FBXL7: variants seen among roughly 807,000 people sequenced by gnomAD.
FBXL7 encodes F-box/LRR-repeat protein 7.
In FBXL7, 12 loss-of-function variants were observed where a neutral mutation model predicts 38.3. That is an observed-to-expected ratio of 0.31 (90% confidence interval 0.20 to 0.51). The LOEUF (loss-of-function observed/expected upper bound fraction) is 0.51. Ranked by LOEUF, FBXL7 falls within the 20% of genes least tolerant of loss-of-function variation. FBXL7 has a pLI of 0.98. For missense variants in FBXL7, 567 were observed against 676.4 expected (o/e 0.84, Z 1.79); for synonymous variants, 297 against 300.9 (o/e 0.99, Z 0.13).
intron 2 of FBXL7, among the ~76,000 whole-genome samples, chr5:15,752,063 C>T (rs1337996507): frequency 2.0e-5 from 3 of 152,156 alleles, no homozygotes; most frequent in African/African-American, 7.2e-5. Context: ...TCATGTCGAT[C>T]TTCAGAATTT....
At chr5:15,893,562 G>A (rs1039217695) in intron 2 of FBXL7, among the ~76,000 whole-genome samples, 3 of 151,916 alleles carry the variant, frequency 2.0e-5, no homozygotes, top group African/African-American at 7.3e-5. Context: ...TTAACTTACT[G>A]CATAAAAGCA....
chr5:15,917,638 AAGGGAGGG>A (rs200251388), intron 2 of FBXL7, among the ~76,000 whole-genome samples: 2 of 77,940 alleles, frequency 2.6e-5, no homozygotes, highest in Non-Finnish European at 5.4e-5. Flanking sequence ...AAAGTAAAGG[AAGGGAGGG>A]AAGGAAGGAA....
At chr5:15,553,205 G>A (rs990077964) in intron 1 of FBXL7, among the ~76,000 whole-genome samples, 7 of 151,982 alleles carry the variant, frequency 4.6e-5, no homozygotes, top group African/African-American at 1.7e-4. Context: ...ATTGCCTATC[G>A]TGGTTTCCCT....
At chr5:15,838,555 G>T (rs1738652549) in intron 2 of FBXL7, among the ~76,000 whole-genome samples, 1 of 152,208 alleles carries the variant, frequency 6.6e-6, no homozygotes, top group Non-Finnish European at 1.5e-5. Context: ...ATTTAGATAA[G>T]CACACCCTAG....
chr5:15,849,513 A>G (rs1025380430), intron 2 of FBXL7, among the ~76,000 whole-genome samples: 1 of 152,168 alleles, frequency 6.6e-6, no homozygotes, highest in African/African-American at 2.4e-5. Context: ...AAGTCTCACA[A>G]GATCTGATGG....
intron 1 of FBXL7, among the ~76,000 whole-genome samples, chr5:15,572,389 A>G (rs78320622): frequency 6.2e-5 from 3 of 48,758 alleles, no homozygotes; most frequent in Non-Finnish European, 1.3e-4. Context: ...GTTTCTGCTA[A>G]AAAAAAAAAA....
At chr5:15,513,629 C>G (rs1736858990) in intron 1 of FBXL7, among the ~76,000 whole-genome samples, 1 of 152,316 alleles carries the variant, frequency 6.6e-6, no homozygotes, top group South Asian at 2.1e-4. Flanking sequence ...GGATTTTACT[C>G]TGCATGACAC....
chr5:15,619,571 A>G (rs1284535742), intron 2 of FBXL7, among the ~76,000 whole-genome samples: 2 of 152,140 alleles, frequency 1.3e-5, no homozygotes, highest in African/African-American at 4.8e-5. Flanking sequence ...CCAGTTGATT[A>G]TGGTTATTTT....
At chr5:15,858,036 ATGCCAGTT>A (rs1269323888) in intron 2 of FBXL7, among the ~76,000 whole-genome samples, 1 of 152,094 alleles carries the variant, frequency 6.6e-6, no homozygotes, top group African/African-American at 2.4e-5. Flanking sequence ...ATTCACCAGT[ATGCCAGTT>A]TGGATTTCTT....
intron 1 of FBXL7, among the ~76,000 whole-genome samples, chr5:15,547,000 G>A (rs1737918073): frequency 6.6e-6 from 1 of 152,176 alleles, no homozygotes; most frequent in Non-Finnish European, 1.5e-5. Context: ...AAGCCAGGTG[G>A]ATATTTCCAG....
chr5:15,525,631 T>C (rs1490522183), intron 1 of FBXL7, among the ~76,000 whole-genome samples: 5 of 152,042 alleles, frequency 3.3e-5, no homozygotes, highest in African/African-American at 1.2e-4. Context: ...GTGGTATAAA[T>C]ACACGTATAC....
At chr5:15,646,982 T>A (rs1037292238) in intron 2 of FBXL7, among the ~76,000 whole-genome samples, 4 of 152,216 alleles carry the variant, frequency 2.6e-5, no homozygotes, top group African/African-American at 9.6e-5. Context: ...ACCGCTAATT[T>A]AGTCTGGTCT....
intron 2 of FBXL7, among the ~76,000 whole-genome samples, chr5:15,795,011 A>T (rs570435192): frequency 6.6e-6 from 1 of 152,330 alleles, no homozygotes; most frequent in East Asian, 1.9e-4. Flanking sequence ...TGCTTATGAA[A>T]CTTTTAAAGA....
At chr5:15,704,352 G>A (rs1269936265) in intron 2 of FBXL7, among the ~76,000 whole-genome samples, 2 of 152,134 alleles carry the variant, frequency 1.3e-5, no homozygotes, top group African/African-American at 4.8e-5. Context: ...TAATTCAATG[G>A]TAGAACTTTT....
chr5:15,758,243 G>A (rs1736350301), intron 2 of FBXL7, among the ~76,000 whole-genome samples: 1 of 151,256 alleles, frequency 6.6e-6, no homozygotes, highest in Non-Finnish European at 1.5e-5. Context: ...GAGAGAAAAA[G>A]TACTTTAAGG....
intron 2 of FBXL7, among the ~76,000 whole-genome samples, chr5:15,643,917 C>T (rs922216606): frequency 1.2e-4 from 18 of 152,100 alleles, no homozygotes; most frequent in African/African-American, 3.4e-4. Context: ...GTGTGTCTGA[C>T]TCAGTGTTTT....
At chr5:15,771,740 T>A (rs4702107) in intron 2 of FBXL7, among the ~76,000 whole-genome samples, 21 of 151,690 alleles carry the variant, frequency 1.4e-4, no homozygotes, top group Admixed American at 4.6e-4. Context: ...CACAGCTATC[T>A]GGACTAATAG....
intron 1 of FBXL7, among the ~76,000 whole-genome samples, chr5:15,530,329 CCTT>C (rs1737383264): frequency 6.6e-6 from 1 of 152,102 alleles, no homozygotes; most frequent in South Asian, 2.1e-4. Flanking sequence ...TTGTTAATGT[CCTT>C]CTTGGAATAC....
chr5:15,761,956 A>G (rs1736460605), intron 2 of FBXL7, among the ~76,000 whole-genome samples: 1 of 152,204 alleles, frequency 6.6e-6, no homozygotes, highest in African/African-American at 2.4e-5. Flanking sequence ...ATTGCTGTGT[A>G]ACAAATAACC....
Sources: gnomAD v4.1 joint callset for allele counts (sites outside exome capture counted in the v4.1 genomes callset) on GRCh38, gnomAD v4.1.1 for gene constraint, MANE v1.5 for transcripts, NCBI Gene and HGNC (gene_info 2026-07-23, HGNC 2026-07-21) for gene names.